The following ASIC2 variants were observed in gnomAD, a reference collection of about 807,000 sequenced individuals.
ASIC2 encodes the protein acid sensing ion channel subunit 2, also known as acid-sensing ion channel 2.
A neutral mutation model predicts 57.3 loss-of-function variants in ASIC2; 25 were observed. The ratio of observed to expected loss-of-function variants is 0.44; its 90% CI spans 0.32 to 0.61. The LOEUF is 0.61. Ranked by LOEUF, ASIC2 falls within the 20% of genes least tolerant of loss-of-function variation. The pLI, the probability that ASIC2 is intolerant of heterozygous loss-of-function variation, is 0.06. For synonymous variants in ASIC2, 319 were observed against 307.5 expected (o/e 1.04, Z -0.39); for missense variants, 641 against 738.1 (o/e 0.87, Z 1.52).
At position 33,113,547 on chromosome 17, in the gene ASIC2, C is replaced by A. The variant is rs113715843; in HGVS notation, c.709-1480G>T. ...ACTGTCCCATCCTACAGCATGGAGGCCACAGGGAGGCTCTTTGGCTTCCCA... is the reference window on the plus strand; with the variant it reads ...ACTGTCCCATCCTACAGCATGGAGGACACAGGGAGGCTCTTTGGCTTCCCA... On this transcript the variant is annotated intron_variant, in intron 1 of 9. Transcript: ENST00000225823. Among the ~76,000 whole-genome samples the A allele has an allele frequency of 2.2e-3, 340 of 152,290 alleles. 1 individual carries two copies. The highest frequency in any genetic ancestry group is 0.01 in the Middle Eastern group (3 of 294).
rs988272216 is a variant in ASIC2 at position 33,917,289 on chromosome 17, G to A, written c.555+238689C>T. ...CTTGGGTGTCCCAACAGGGCCTCAGGCCTCACGTGCCTTAAATCTCCCCAG... is the reference window on the plus strand; with the variant it reads ...CTTGGGTGTCCCAACAGGGCCTCAGACCTCACGTGCCTTAAATCTCCCCAG... On this transcript the variant is annotated intron_variant, in intron 1 of 9. Coordinates refer to the ASIC2 transcript ENST00000359872. Among the ~76,000 whole-genome samples the A allele has an allele frequency of 1.8e-4, 27 of 152,076 alleles. 1 individual carries two copies. The highest frequency in any genetic ancestry group is 5.3e-4 in the African/African-American group (22 of 41,410).
At chr17:33,083,190 A>G (rs116473682) in intron 3 of ASIC2, among the ~76,000 whole-genome samples, 1,919 of 152,274 alleles carry the variant, frequency 0.013, 36 homozygotes, top group African/African-American at 0.044. Context: ...TATGGATCTT[A>G]TCTATAAGCA....
intron 1 of ASIC2, among the ~76,000 whole-genome samples, chr17:33,777,248 T>C (rs1388165): frequency 0.078 from 11,827 of 152,326 alleles, 518 homozygotes; most frequent in East Asian, 0.22. Context: ...GCCTGCATCC[T>C]ATCTGCCTGA....
intron 3 of ASIC2, among the ~76,000 whole-genome samples, chr17:33,060,873 T>C (rs1397227535): frequency 1.3e-5 from 2 of 152,216 alleles, no homozygotes; most frequent in Non-Finnish European, 2.9e-5. Context: ...AAAAGGTCCT[T>C]CTCATCCCTT....
At chr17:33,667,162 G>A (rs989060735) in intron 1 of ASIC2, among the ~76,000 whole-genome samples, 7 of 152,118 alleles carry the variant, frequency 4.6e-5, no homozygotes, top group African/African-American at 9.7e-5. Context: ...ACCACCTATT[G>A]GATGCACAGT....
intron 1 of ASIC2, among the ~76,000 whole-genome samples, chr17:33,437,312 C>T (rs537471149): frequency 6.6e-6 from 1 of 152,244 alleles, no homozygotes; most frequent in Non-Finnish European, 1.5e-5. Context: ...TTTAAATGGG[C>T]AAGACTAAAC....
chr17:33,297,900 G>A (rs1409108339), upstream of ASIC2, among the ~76,000 whole-genome samples: 1 of 149,048 alleles, frequency 6.7e-6, no homozygotes, highest in Non-Finnish European at 1.5e-5. Context: ...AGGCACATGG[G>A]CTTTTGTGGG....
chr17:33,605,027 C>T (rs2142012098), intron 1 of ASIC2, among the ~76,000 whole-genome samples: 1 of 152,272 alleles, frequency 6.6e-6, no homozygotes. Context: ...CTCTCTCTCT[C>T]TCTCTCTCTC....
At chr17:33,668,041 T>C (rs1426567722) in intron 1 of ASIC2, among the ~76,000 whole-genome samples, 1 of 151,962 alleles carries the variant, frequency 6.6e-6, no homozygotes, top group Non-Finnish European at 1.5e-5. Flanking sequence ...AATCCTCCCC[T>C]AAGAGGAGAC....
intron 1 of ASIC2, among the ~76,000 whole-genome samples, chr17:33,937,837 C>T (rs1321038616): frequency 1.3e-5 from 2 of 151,856 alleles, no homozygotes; most frequent in Non-Finnish European, 2.9e-5. Flanking sequence ...TTTTTTTTCT[C>T]TTAGCACAAA....
At chr17:33,878,776 G>A (rs1015477946) in intron 1 of ASIC2, among the ~76,000 whole-genome samples, 3 of 152,082 alleles carry the variant, frequency 2.0e-5, no homozygotes, top group South Asian at 2.1e-4. Flanking sequence ...GATACTCCTC[G>A]AGAAGAGCAA....
At chr17:34,029,340 TG>T (rs1907498516) in intron 1 of ASIC2, among the ~76,000 whole-genome samples, 1 of 138,382 alleles carries the variant, frequency 7.2e-6, no homozygotes, top group Non-Finnish European at 1.5e-5. Context: ...AATGAATGAA[TG>T]AATGCCCTGA....
chr17:33,273,227 A>T (rs1002225925), intron 1 of ASIC2, among the ~76,000 whole-genome samples: 9 of 152,368 alleles, frequency 5.9e-5, no homozygotes, highest in Non-Finnish European at 1.2e-4. Flanking sequence ...AGTAGAAAAA[A>T]ATAGATTACT....
rs529759459 is a variant in ASIC2 at position 33,146,949 on chromosome 17, G to A, written c.709-34882C>T. On this transcript the variant is annotated intron_variant, in intron 1 of 9. Transcript: ENST00000225823. ...CTTTCCTGTGCTAATGTCAATCAAC[G>A]GGTCAAACTGAGTAATTCTATTTTT... is the stretch of plus-strand genomic sequence containing the variant. Among the ~76,000 whole-genome samples, 120 of 152,280 alleles carry A rather than the reference G, an allele frequency of 7.9e-4. 1 individual carries two copies. The highest frequency in any genetic ancestry group is 2.5e-3 in the African/African-American group (104 of 41,570).
At chr17:33,428,841 G>T (rs1048438313) in intron 1 of ASIC2, among the ~76,000 whole-genome samples, 21 of 152,202 alleles carry the variant, frequency 1.4e-4, no homozygotes, top group African/African-American at 5.1e-4. Flanking sequence ...TATGAGCAAT[G>T]ATGACAGCTG....
chr17:33,017,766 C>G, intron 7 of ASIC2, 82 bp from the exon 8 acceptor site: 1 of 1,328,974 alleles, frequency 7.5e-7, no homozygotes, highest in Non-Finnish European at 1.1e-6. Flanking sequence ...CAACCCAGAC[C>G]TTCTGAATGG....
At chr17:33,054,068 C>G (rs2091988365) in intron 3 of ASIC2, among the ~76,000 whole-genome samples, 1 of 152,110 alleles carries the variant, frequency 6.6e-6, no homozygotes, top group African/African-American at 2.4e-5. Context: ...TGCTTGTCAG[C>G]CTGCAACCAT....
chr17:33,434,804 GGA>G (rs1294069277), intron 1 of ASIC2, among the ~76,000 whole-genome samples: 1 of 152,146 alleles, frequency 6.6e-6, no homozygotes, highest in African/African-American at 2.4e-5. Context: ...AGGTTAGAAC[GGA>G]GAGTAAGGTA....
chr17:33,465,206 A>C (rs1296312039), intron 1 of ASIC2, among the ~76,000 whole-genome samples: 1 of 152,152 alleles, frequency 6.6e-6, no homozygotes, highest in Non-Finnish European at 1.5e-5. Context: ...TTGTTAGAGC[A>C]ATAATACACC....
Sources: allele counts gnomAD v4.1 joint callset (sites outside exome capture counted in the v4.1 genomes callset), GRCh38; gene constraint gnomAD v4.1.1; transcripts MANE v1.5; gene names NCBI Gene and HGNC (gene_info 2026-07-23, HGNC 2026-07-21).